Variants in TCERG1L observed in about 807,000 individuals in gnomAD.
The protein encoded by TCERG1L is transcription elongation regulator 1-like protein.
In TCERG1L, 37 loss-of-function variants were observed where a neutral mutation model predicts 56.3. The ratio of observed to expected loss-of-function variants is 0.66; its 90% CI spans 0.51 to 0.87. The LOEUF (loss-of-function observed/expected upper bound fraction) is 0.87. Among genes scored for constraint, TCERG1L ranks in the 40% least tolerant of loss-of-function variants. The pLI is 0.00. For missense variants in TCERG1L, 799 were observed against 774.2 expected, an observed-to-expected ratio of 1.03 and a Z score of -0.38; for synonymous variants, 324 against 326.3, an observed-to-expected ratio of 0.99 and a Z score of 0.08.
intron 4 of TCERG1L, among the ~76,000 whole-genome samples, chr10:131,171,605 G>A (rs1354389586): frequency 6.6e-6 from 1 of 152,168 alleles, no homozygotes; most frequent in Non-Finnish European, 1.5e-5. Flanking sequence ...TAGAGACAGG[G>A]TCTCACTCTG....
intron 3 of TCERG1L, among the ~76,000 whole-genome samples, chr10:131,300,390 T>G (rs1214589580): frequency 6.6e-6 from 1 of 152,196 alleles, no homozygotes; most frequent in East Asian, 1.9e-4. Flanking sequence ...CCATTTGATA[T>G]TCTCTCCTGG....
chr10:131,258,490 G>A (rs1846198025), intron 4 of TCERG1L, among the ~76,000 whole-genome samples: 1 of 152,132 alleles, frequency 6.6e-6, no homozygotes, highest in African/African-American at 2.4e-5. Flanking sequence ...ATGAAGCCTG[G>A]GTTGGGCCAC....
At chr10:131,168,450 C>T (rs1001661712) in intron 4 of TCERG1L, among the ~76,000 whole-genome samples, 11 of 152,240 alleles carry the variant, frequency 7.2e-5, no homozygotes, top group African/African-American at 2.4e-4. Flanking sequence ...CATCCCTCCC[C>T]AGCACCCTTG....
intron 8 of TCERG1L, among the ~76,000 whole-genome samples, chr10:131,119,768 A>T (rs1845495310): frequency 6.6e-6 from 1 of 152,242 alleles, no homozygotes; most frequent in Admixed American, 6.5e-5. Flanking sequence ...AAGATAGCTC[A>T]ACCCACGGTT....
intron 9 of TCERG1L, among the ~76,000 whole-genome samples, chr10:131,114,545 T>C (rs1189335821): frequency 6.6e-6 from 1 of 152,258 alleles, no homozygotes; most frequent in East Asian, 1.9e-4. Context: ...TGCTGATTCC[T>C]GTATAATAAC....
chr10:131,152,186 G>A (rs1311891255), intron 6 of TCERG1L, among the ~76,000 whole-genome samples: 1 of 152,136 alleles, frequency 6.6e-6, no homozygotes, highest in African/African-American at 2.4e-5. Flanking sequence ...CCAGAAAATG[G>A]GTTTTTCTTT....
At chr10:131,288,373 A>T (rs1846569026) in intron 3 of TCERG1L, among the ~76,000 whole-genome samples, 1 of 152,144 alleles carries the variant, frequency 6.6e-6, no homozygotes, top group Non-Finnish European at 1.5e-5. Flanking sequence ...ACTAGGAGTA[A>T]CTAACCACCA....
intron 1 of TCERG1L, among the ~76,000 whole-genome samples, chr10:131,310,252 T>C (rs1846870782): frequency 6.6e-6 from 1 of 152,244 alleles, no homozygotes; most frequent in Non-Finnish European, 1.5e-5. Flanking sequence ...GTGGCAGCAC[T>C]CTGATATAAC....
At chr10:131,176,026 A>G (rs1846143961) in intron 4 of TCERG1L, among the ~76,000 whole-genome samples, 1 of 152,260 alleles carries the variant, frequency 6.6e-6, no homozygotes, top group South Asian at 2.1e-4. Context: ...GGCAGTGCGA[A>G]AAATACAGCT....
At chr10:131,168,592 C>T (rs1447626172) in intron 4 of TCERG1L, among the ~76,000 whole-genome samples, 1 of 152,232 alleles carries the variant, frequency 6.6e-6, no homozygotes, top group Non-Finnish European at 1.5e-5. Context: ...GAGGCAGAAA[C>T]ACAGCATTCC....
chr10:131,304,351 A>T (rs957447868), intron 3 of TCERG1L, among the ~76,000 whole-genome samples: 8 of 151,788 alleles, frequency 5.3e-5, no homozygotes, highest in Non-Finnish European at 1.0e-4. Flanking sequence ...GAAAACAGAG[A>T]CTCCTTGGAG....
intron 4 of TCERG1L, among the ~76,000 whole-genome samples, chr10:131,196,253 G>C (rs1344403751): frequency 1.3e-5 from 2 of 152,206 alleles, no homozygotes; most frequent in Non-Finnish European, 2.9e-5. Flanking sequence ...GGCACCCTCT[G>C]TGAAATATCC....
intron 3 of TCERG1L, among the ~76,000 whole-genome samples, chr10:131,303,837 G>T (rs769427977): frequency 6.6e-6 from 1 of 151,820 alleles, no homozygotes; most frequent in Non-Finnish European, 1.5e-5. Context: ...ACTCTCTTTC[G>T]AGTTTATCTT....
chr10:131,132,035 G>A (rs1409210872), intron 8 of TCERG1L, among the ~76,000 whole-genome samples: 2 of 152,178 alleles, frequency 1.3e-5, no homozygotes, highest in South Asian at 2.1e-4. Context: ...GATGCTGATG[G>A]TTCACCTGGC....
At chr10:131,117,246 C>T (rs547941512) in intron 8 of TCERG1L, among the ~76,000 whole-genome samples, 1 of 152,320 alleles carries the variant, frequency 6.6e-6, no homozygotes, top group Admixed American at 6.5e-5. Flanking sequence ...TGGGCAGGCC[C>T]TCACTCCAGG....
intron 4 of TCERG1L, among the ~76,000 whole-genome samples, chr10:131,212,270 T>C (rs567512976): frequency 9.2e-5 from 14 of 152,220 alleles, no homozygotes; most frequent in Non-Finnish European, 1.6e-4. Context: ...GCAGAGTTGA[T>C]TCTGCAAGGC....
intron 3 of TCERG1L, among the ~76,000 whole-genome samples, chr10:131,284,312 T>C (rs1434496585): frequency 1.3e-5 from 2 of 151,894 alleles, no homozygotes; most frequent in African/African-American, 4.8e-5. Context: ...TTAAAAATCA[T>C]AGGATATAAA....
intron 8 of TCERG1L, among the ~76,000 whole-genome samples, chr10:131,123,906 A>C (rs1390827289): frequency 6.9e-6 from 1 of 145,640 alleles, no homozygotes; most frequent in African/African-American, 2.4e-5. Context: ...CCCCGTGACG[A>C]TTTCCTTGGT....
intron 4 of TCERG1L, among the ~76,000 whole-genome samples, chr10:131,205,776 A>G (rs2133481509): frequency 6.6e-6 from 1 of 152,338 alleles, no homozygotes; most frequent in African/African-American, 2.4e-5. Flanking sequence ...ATCCTTCCTA[A>G]GAGGCTGCAA....
Sources: gnomAD v4.1 joint callset for allele counts (sites outside exome capture counted in the v4.1 genomes callset) on GRCh38, gnomAD v4.1.1 for gene constraint, MANE v1.5 for transcripts, NCBI Gene and HGNC (gene_info 2026-07-23, HGNC 2026-07-21) for gene names.